The following IQUB variants were observed in gnomAD, a reference collection of about 807,000 sequenced individuals.
IQUB encodes the protein IQ motif and ubiquitin domain containing, also known as IQ motif and ubiquitin-like domain-containing protein.
Under a neutral mutation model 86.4 loss-of-function variants are expected in IQUB, and 86 were observed. That is an observed-to-expected ratio of 1.00 (90% CI 0.84 to 1.19). IQUB has a LOEUF of 1.19. Among genes scored for constraint, IQUB ranks in the 50% most tolerant of loss-of-function variants. The probability of loss-of-function intolerance (pLI) is 0.00; values close to 1 mark genes in which losing one functional copy is unlikely to be tolerated. For synonymous variants in IQUB, 289 were observed against 304.5 expected (o/e 0.95, Z 0.53); for missense variants, 946 against 916.9 (o/e 1.03, Z -0.41).
chr7:123,532,264 C>A (rs1302196310), intron 1 of IQUB: 2 of 152,100 alleles, frequency 1.3e-5, no homozygotes. Context: ...AATCTCTTCT[C>A]ATTCTCTATT....
intron 3 of IQUB, among the ~76,000 whole-genome samples, chr7:123,509,537 T>A (rs1416408835): frequency 1.3e-5 from 2 of 152,198 alleles, no homozygotes; most frequent in African/African-American, 4.8e-5. Context: ...TTATCACTTT[T>A]ATTAAATGAA....
At chr7:123,483,907 T>C (rs1050908115) in intron 7 of IQUB, among the ~76,000 whole-genome samples, 1 of 152,256 alleles carries the variant, frequency 6.6e-6, no homozygotes, top group African/African-American at 2.4e-5. Context: ...GGAAACTATA[T>C]TTGCCTTCTT....
intron 1 of IQUB, among the ~76,000 whole-genome samples, chr7:123,515,513 T>C (rs991507981): frequency 7.0e-4 from 107 of 152,306 alleles, no homozygotes; most frequent in African/African-American, 2.5e-3. Flanking sequence ...CAGGCCTAGG[T>C]TGAGGCAAGT....
At chr7:123,499,164 G>A (rs1471684211) in intron 6 of IQUB, among the ~76,000 whole-genome samples, 1 of 151,748 alleles carries the variant, frequency 6.6e-6, no homozygotes, top group Non-Finnish European at 1.5e-5. Context: ...AGGCTAGAGT[G>A]CAGTGGTGTG....
intron 10 of IQUB, among the ~76,000 whole-genome samples, chr7:123,463,451 A>G (rs1049010197): frequency 6.6e-6 from 1 of 151,874 alleles, no homozygotes; most frequent in Non-Finnish European, 1.5e-5. Context: ...AATATTTTTC[A>G]GCTATAAAAA....
chr7:123,490,418 A>C (rs905939294), intron 7 of IQUB, among the ~76,000 whole-genome samples: 5 of 152,206 alleles, frequency 3.3e-5, no homozygotes, highest in African/African-American at 9.6e-5. Context: ...AAAATTGAAA[A>C]GACAAATAGG....
chr7:123,492,991 G>A (rs1289066274), intron 7 of IQUB, among the ~76,000 whole-genome samples: 3 of 152,134 alleles, frequency 2.0e-5, no homozygotes, highest in Non-Finnish European at 4.4e-5. Flanking sequence ...CTACTGTATA[G>A]TCCCCTTTTG....
intron 7 of IQUB, among the ~76,000 whole-genome samples, chr7:123,487,346 G>A (rs985194900): frequency 7.2e-5 from 11 of 152,072 alleles, no homozygotes; most frequent in Non-Finnish European, 2.9e-5. Flanking sequence ...AATACTATAT[G>A]GTCAATTTCA....
Position 123,486,660 on chromosome 7 carries a change from T to G in IQUB, c.1235-6690A>C, listed in dbSNP as rs1488483163. Among the ~76,000 whole-genome samples the G allele has an allele frequency of 2.0e-5, 3 of 152,198 alleles. No homozygotes were observed. The South Asian group carries it at 6.2e-4, about 31-fold the overall frequency. ...CATGAATCCTTTTTATAATTAACAC[T>G]ATCATATTGAGTACTTAGGAAATAT... is the stretch of plus-strand genomic sequence containing the variant. On this transcript the variant is annotated intron_variant, in intron 7 of 12. Coordinates refer to ENST00000324698, the MANE Select transcript of IQUB (RefSeq NM_178827.5).
chr7:123,509,635 C>G (rs1796331145), intron 3 of IQUB, among the ~76,000 whole-genome samples: 1 of 152,176 alleles, frequency 6.6e-6, no homozygotes, highest in Non-Finnish European at 1.5e-5. Flanking sequence ...TACATGGTAG[C>G]TACTGCATGC....
At chr7:123,464,531 A>G (rs545498987) in intron 10 of IQUB, among the ~76,000 whole-genome samples, 1 of 152,030 alleles carries the variant, frequency 6.6e-6, no homozygotes, top group East Asian at 1.9e-4. Flanking sequence ...GGGGAAACCA[A>G]CGGTATGTAC....
chr7:123,452,393 A>AAAT lies in IQUB; in HGVS notation c.*347_*349dup, dbSNP rs1793463586. ...CCTATAACTACATTCTATCTAAAAT[A>AAAT]AATAACTTGAAAGTTGTCTAGTTTT... is the stretch of plus-strand genomic sequence containing the variant. On this transcript the variant is annotated 3_prime_UTR_variant, in exon 13 of 13. Coordinates refer to ENST00000324698, the MANE Select transcript of IQUB (RefSeq NM_178827.5). 1 of 159,474 alleles carries AAAT rather than the reference A, an allele frequency of 6.3e-6. No individual in the cohort carries two copies. Among genetic ancestry groups the AAAT allele is most frequent in the Non-Finnish European group, 1.4e-5 (1 of 73,162 alleles). The allele number at this position is 159,474 out of a possible 1,614,324, so 9.9% of individuals were successfully genotyped here.
Position 123,524,069 on chromosome 7 carries a change from G to T in IQUB, c.-5+10423C>A, listed in dbSNP as rs1183901306. On this transcript the variant is annotated intron_variant, in intron 1 of 12. Coordinates refer to ENST00000324698, the MANE Select transcript of IQUB (RefSeq NM_178827.5). The stretch of plus-strand genomic sequence containing the variant: ...TTCTGTTCCATTGATCTATATCTCT[G>T]TTTTGGTACCAGTACCATGCTGTTT... Among the ~76,000 whole-genome samples the T allele has an allele frequency of 2.1e-4, 30 of 144,468 alleles. 2 individuals are homozygous for T. In the South Asian group the frequency reaches 6.5e-3, roughly 31 times the overall value. The allele number at this position is 144,468 out of a possible 152,430, so 94.8% of individuals were successfully genotyped here.
intron 12 of IQUB, 31 bp from the exon 13 acceptor site, chr7:123,452,956 T>TATCACAGATATA: frequency 6.5e-7 from 1 of 1,545,940 alleles, no homozygotes; most frequent in Non-Finnish European, 8.8e-7. Flanking sequence ...TTCTAGTAAA[T>TATCACAGATATA]ATCACAGATA....
chr7:123,500,182 AT>A (rs1256630445), intron 6 of IQUB, among the ~76,000 whole-genome samples: 1 of 152,202 alleles, frequency 6.6e-6, no homozygotes, highest in Non-Finnish European at 1.5e-5. Context: ...TGGAGTAGCC[AT>A]TCTTTTGTTC....
intron 6 of IQUB, among the ~76,000 whole-genome samples, chr7:123,499,763 G>A (rs755394523): frequency 4.7e-4 from 71 of 152,168 alleles, no homozygotes; most frequent in Admixed American, 4.1e-3. Context: ...TGTCAGAGGC[G>A]TGTGAACCAG....
chr7:123,504,220 T>C (rs559920277), intron 3 of IQUB, among the ~76,000 whole-genome samples: 52 of 152,162 alleles, frequency 3.4e-4, no homozygotes, highest in African/African-American at 1.2e-3. Context: ...GAGGCCAAAG[T>C]GGGCAGATCA....
chr7:123,519,706 T>C (rs1237985655), intron 1 of IQUB, among the ~76,000 whole-genome samples: 1 of 152,122 alleles, frequency 6.6e-6, no homozygotes, highest in African/African-American at 2.4e-5. Context: ...TACATTTACA[T>C]AGAAGGAGTA....
chr7:123,474,284 T>A (rs1794658956), intron 8 of IQUB, among the ~76,000 whole-genome samples: 1 of 152,208 alleles, frequency 6.6e-6, no homozygotes, highest in African/African-American at 2.4e-5. Flanking sequence ...CATATGGCAC[T>A]GGTTGTTTGT....
Sources: gnomAD v4.1 joint callset for allele counts (sites outside exome capture counted in the v4.1 genomes callset) on GRCh38, gnomAD v4.1.1 for gene constraint, MANE v1.5 for transcripts, NCBI Gene and HGNC (gene_info 2026-07-23, HGNC 2026-07-21) for gene names.